Variants in SLC6A13 observed in about 807,000 individuals in gnomAD.
SLC6A13 encodes the protein sodium- and chloride-dependent GABA transporter 2.
A neutral mutation model predicts 72.9 loss-of-function variants in SLC6A13; 69 were observed. The ratio of observed to expected loss-of-function variants is 0.95; its 90% CI spans 0.78 to 1.16. The LOEUF is 1.16. Ranked by LOEUF, SLC6A13 falls within the 50% of genes most tolerant of loss-of-function variation. The pLI is 0.00. For missense variants in SLC6A13, 735 were observed against 760.5 expected (o/e 0.97, Z 0.39); for synonymous variants, 303 against 303.0 (o/e 1.00, Z 0.00).
chr12:248,197 T>C (rs1471158458), intron 2 of SLC6A13, among the ~76,000 whole-genome samples: 6 of 152,060 alleles, frequency 3.9e-5, no homozygotes, highest in Admixed American at 3.9e-4. Context: ...TTTTAAAACC[T>C]GACAAGACTC....
Position 235,170 on chromosome 12 carries a change from G to A in SLC6A13, c.751C>T (p.Arg251Ter), listed in dbSNP as rs781142259. Residue 251 changes from arginine (R) to a stop codon, truncating the protein, a stop_gained, in exon 7 of 15, where the codon CGA becomes TGA. Coordinates refer to ENST00000343164, the MANE Select transcript of SLC6A13 (RefSeq NM_016615.5). LOFTEE classifies it high-confidence loss of function. ...GCTGCCCCAGGCAACGTCACCCCTC[G>A]AATTAACAGGACCACCAGCATGAGG... ...PYLMLVVLLI[R>*]GVTLPGAAQG... 8.2e-5 allele frequency: 133 copies of A among 1,614,166 alleles called. 1 individual carries two copies. Among genetic ancestry groups the A allele is most frequent in the South Asian group, 6.0e-4 (55 of 91,072 alleles).
chr12:242,608 C>T lies in SLC6A13; in HGVS notation c.478+6G>A, dbSNP rs1942205259. On this transcript the variant is annotated splice_donor_region_variant and intron_variant, in intron 4 of 14. Coordinates refer to ENST00000343164, the MANE Select transcript of SLC6A13 (RefSeq NM_016615.5). ...GAGGAAGTGGACCCTTGGGTGAGGA[C>T]CATACCTGTGTTCCACTCATGGTAG... The T allele has an allele frequency of 1.9e-6, 3 of 1,613,402 alleles. No individual in the cohort carries two copies. Among genetic ancestry groups the T allele is most frequent in the Non-Finnish European group, 1.7e-6 (2 of 1,179,566 alleles).
rs752824610 is a variant in SLC6A13 at position 221,482 on chromosome 12, G to A, written c.1580C>T (p.Pro527Leu). 35 of 1,613,604 alleles carry A rather than the reference G, an allele frequency of 2.2e-5. No individual in the cohort carries two copies. Among genetic ancestry groups the A allele is most frequent in the Middle Eastern group, 1.6e-4 (1 of 6,074 alleles). Residue 527 changes from proline (P) to leucine (L), a missense_variant, in exon 14 of 15, where the codon CCG becomes CTG. Transcript: ENST00000343164. ...CCAGCCCAGGGCATCGCCCCACCAC[G>A]GGTACGTGTACTTCTTGTTGTAGGT... Reference protein sequence around the residue: ...PLTYNKKYTYPWWGDALGWLL... With the variant: ...PLTYNKKYTYLWWGDALGWLL...
At chr12:224,576 C>A (rs889948743) in intron 9 of SLC6A13, 63 bp from the exon 10 acceptor site, 5 of 1,338,528 alleles carry the variant, frequency 3.7e-6, no homozygotes, top group Non-Finnish European at 5.3e-6. Flanking sequence ...GTGGGTGACC[C>A]ATGGCTTCCC....
chr12:248,569 A>G (rs1942435094), intron 2 of SLC6A13, among the ~76,000 whole-genome samples: 1 of 152,172 alleles, frequency 6.6e-6, no homozygotes, highest in African/African-American at 2.4e-5. Flanking sequence ...AAGAGGGTCA[A>G]TTAATCAATC....
At chr12:240,503 A>G (rs1316764577) in intron 4 of SLC6A13, among the ~76,000 whole-genome samples, 1 of 152,210 alleles carries the variant, frequency 6.6e-6, no homozygotes, top group Non-Finnish European at 1.5e-5. Context: ...CCGCCCCCAG[A>G]CTAATTATAA....
Position 254,150 on chromosome 12 carries a change from G to A in SLC6A13, c.202+5701C>T, listed in dbSNP as rs1942655835. ...GCTTTCCCTCCTGGCAGCTGAGGGTGGAGGGCTGGAGGAATAGTTCAAATG... is the reference window on the plus strand; with the variant it reads ...GCTTTCCCTCCTGGCAGCTGAGGGTAGAGGGCTGGAGGAATAGTTCAAATG... On this transcript the variant is annotated intron_variant, in intron 2 of 14. Coordinates refer to ENST00000343164, the MANE Select transcript of SLC6A13 (RefSeq NM_016615.5). This position sits in a 1 kb window ranked among gnomAD's most constrained non-coding sequence, Gnocchi z 4.4. Among the ~76,000 whole-genome samples, 1 of 152,212 alleles carries A rather than the reference G, an allele frequency of 6.6e-6. No individual in the cohort carries two copies. The highest frequency in any genetic ancestry group is 1.5e-5 in the Non-Finnish European group (1 of 68,030).
chr12:233,104 T>G (rs1941779475), intron 7 of SLC6A13, among the ~76,000 whole-genome samples: 4 of 152,232 alleles, frequency 2.6e-5, no homozygotes, highest in Admixed American at 6.5e-5. Context: ...TTATGTCTCC[T>G]TGGGGCTTCT....
chr12:227,724 C>T, intron 7 of SLC6A13, 56 bp from the exon 8 acceptor site: 1 of 1,460,240 alleles, frequency 6.8e-7, no homozygotes, highest in Non-Finnish European at 9.4e-7. Context: ...GCCATTCAAG[C>T]CATGGGCGGA....
intron 9 of SLC6A13, among the ~76,000 whole-genome samples, chr12:225,582 G>A (rs555375771): frequency 2.1e-4 from 32 of 152,012 alleles, no homozygotes; most frequent in Middle Eastern, 3.4e-3. Context: ...CCCGGGAAGC[G>A]GAGGTTGCAG....
Position 221,063 on chromosome 12 carries a change from C to A in SLC6A13, c.1694G>T (p.Arg565Leu). The change falls in exon 15 of 15, where the codon CGT (arginine) becomes CTT (leucine). Residue 565 changes from arginine (R) to leucine (L), a missense_variant. Physicochemically the swap from Arg to Leu is moderately radical, Grantham distance 102 (BLOSUM62 -2). Coordinates refer to ENST00000343164, the MANE Select transcript of SLC6A13 (RefSeq NM_016615.5). ...GTCCTCGGCTGGGCACATGAGCTGA[C>A]GGATTCTCTGCGGGGATAGCAGAGG... The part of the protein sequence containing the change: ...TLKGPFRERI[R>L]QLMCPAEDLP... 1 of 1,604,010 alleles carries A rather than the reference C, an allele frequency of 6.2e-7. No individual in the cohort carries two copies. The highest frequency in any genetic ancestry group is 8.5e-7 in the Non-Finnish European group (1 of 1,176,402).
At chr12:253,974 G>A (rs939627431) in intron 2 of SLC6A13, among the ~76,000 whole-genome samples, 26 of 152,248 alleles carry the variant, frequency 1.7e-4, no homozygotes, top group Non-Finnish European at 3.7e-4. Flanking sequence ...GCAGGAAGGT[G>A]ATTTAAATTC....
At chr12:224,570 G>A in intron 9 of SLC6A13, 57 bp from the exon 10 acceptor site, 2 of 1,417,124 alleles carry the variant, frequency 1.4e-6, no homozygotes, top group Non-Finnish European at 2.0e-6. Flanking sequence ...CAGGCTGTGG[G>A]TGACCCATGG....
At chr12:244,744 C>A (rs1343073098) in intron 2 of SLC6A13, among the ~76,000 whole-genome samples, 1 of 152,114 alleles carries the variant, frequency 6.6e-6, no homozygotes, top group Non-Finnish European at 1.5e-5. Context: ...TATTCTCTTG[C>A]CTTTCTGCCT....
chr12:242,908 T>C, intron 3 of SLC6A13, 154 bp from the exon 4 acceptor site: 3 of 522,352 alleles, frequency 5.7e-6, no homozygotes, highest in Non-Finnish European at 6.6e-6. Context: ...TAACTCCCTG[T>C]GGATCTATAA....
chr12:232,693 G>T (rs1044470142), intron 7 of SLC6A13, among the ~76,000 whole-genome samples: 1 of 152,204 alleles, frequency 6.6e-6, no homozygotes, highest in African/African-American at 2.4e-5. Flanking sequence ...TCTCCATGCT[G>T]TCTGAGAAAT....
At position 221,396 on chromosome 12, in the gene SLC6A13, G is replaced by C; in HGVS notation, c.1666C>G (p.Leu556Val). The change falls in exon 14 of 15, where the codon CTC becomes GTC. Residue 556 changes from leucine (L) to valine (V), a missense_variant. Transcript: ENST00000343164. ...CCTACCTCTCTGAAGGGGCCCTTGA[G>C]GGTTCCGAGTCTGTAGAGGCTCCAG... Reference protein sequence around the residue: ...PAWSLYRLGTLKGPFRERIRQ... With the variant: ...PAWSLYRLGTVKGPFRERIRQ... The C allele has an allele frequency of 6.2e-7, 1 of 1,606,186 alleles. No homozygotes were observed. The highest frequency in any genetic ancestry group is 8.5e-7 in the Non-Finnish European group (1 of 1,176,316).
intron 4 of SLC6A13, among the ~76,000 whole-genome samples, chr12:240,988 A>T (rs1411156782): frequency 2.6e-5 from 4 of 152,232 alleles, no homozygotes; most frequent in Admixed American, 2.6e-4. Context: ...TTCAAACTCC[A>T]GTTCAGAATT....
At chr12:226,810 C>G (rs1033310050) in intron 8 of SLC6A13, 84 of 281,144 alleles carry the variant, frequency 3.0e-4, no homozygotes, top group Non-Finnish European at 4.6e-4. Context: ...CACACAGCCG[C>G]CCCTCTCTAC....
Sources: allele counts gnomAD v4.1 joint callset (sites outside exome capture counted in the v4.1 genomes callset), GRCh38; gene constraint gnomAD v4.1.1; non-coding constraint Gnocchi (gnomAD v3.1); transcripts MANE v1.5; gene names NCBI Gene and HGNC (gene_info 2026-07-23, HGNC 2026-07-21).